The following CAMKMT variants were observed in gnomAD, a reference collection of about 807,000 sequenced individuals.
The protein encoded by CAMKMT is calmodulin-lysine N-methyltransferase, also known as CaM KMT.
In CAMKMT, 53 loss-of-function variants were observed where a neutral mutation model predicts 48.0. The ratio of observed to expected loss-of-function variants is 1.10; its 90% confidence interval spans 0.89 to 1.39. The LOEUF (loss-of-function observed/expected upper bound fraction) is 1.39. Ranked by LOEUF, CAMKMT falls within the 40% of genes most tolerant of loss-of-function variation. The probability of loss-of-function intolerance (pLI) is 0.00; values close to 1 mark genes in which losing one functional copy is unlikely to be tolerated. For synonymous variants in CAMKMT, 165 were observed against 152.3 expected (o/e 1.08, Z -0.61); for missense variants, 428 against 402.7 (o/e 1.06, Z -0.54).
intron 3 of CAMKMT, among the ~76,000 whole-genome samples, chr2:44,498,307 C>A (rs1319097357): frequency 6.6e-6 from 1 of 152,014 alleles, no homozygotes; most frequent in African/African-American, 2.4e-5. Flanking sequence ...TTGGTGATGA[C>A]CCATGTCAAA....
At chr2:44,584,812 T>G (rs566044192) in intron 3 of CAMKMT, among the ~76,000 whole-genome samples, 1 of 152,164 alleles carries the variant, frequency 6.6e-6, no homozygotes, top group East Asian at 1.9e-4. Flanking sequence ...CCCAGCACTT[T>G]GGGAGGCTGA....
At chr2:44,601,861 AATC>A (rs1291309696) in intron 3 of CAMKMT, among the ~76,000 whole-genome samples, 3 of 152,128 alleles carry the variant, frequency 2.0e-5, no homozygotes, top group Non-Finnish European at 4.4e-5. Flanking sequence ...AAGGAAAAGT[AATC>A]ATGATTCCAT....
At position 44,467,941 on chromosome 2, in the gene CAMKMT, C is replaced by G. The variant is rs952414875; in HGVS notation, c.376+77636C>G. The stretch of plus-strand genomic sequence containing the variant: ...GGGAGAAATGCTTCAGGGCATTGGT[C>G]TGGGCAAAGATTTTATGGCTAAGAC... On this transcript the variant is annotated intron_variant, in intron 3 of 10. Transcript: ENST00000378494. 2.0e-5 allele frequency among the ~76,000 whole-genome samples: 3 copies of G among 152,078 alleles called. No individual in the cohort carries two copies. In the East Asian group the frequency reaches 5.8e-4, roughly 29 times the overall value.
chr2:44,695,733 G>A (rs1676906566), intron 3 of CAMKMT, among the ~76,000 whole-genome samples: 1 of 152,086 alleles, frequency 6.6e-6, no homozygotes, highest in South Asian at 2.1e-4. Context: ...GAAGGCAAAT[G>A]CATTGACTTA....
chr2:44,432,831 A>G (rs1684730410), intron 3 of CAMKMT, among the ~76,000 whole-genome samples: 1 of 152,154 alleles, frequency 6.6e-6, no homozygotes, highest in African/African-American at 2.4e-5. Flanking sequence ...TAAATTAAAA[A>G]AAAAAAAAAC....
intron 3 of CAMKMT, among the ~76,000 whole-genome samples, chr2:44,698,060 A>C (rs343983): frequency 0.89 from 136,030 of 152,220 alleles, 61,044 homozygotes; most frequent in African/African-American, 0.97. Context: ...TTTGAAAGGC[A>C]ATTTTATTCC....
intron 3 of CAMKMT, among the ~76,000 whole-genome samples, chr2:44,445,610 G>C (rs1267307532): frequency 6.8e-6 from 1 of 146,956 alleles, no homozygotes; most frequent in African/African-American, 2.5e-5. Context: ...TTAGGACTGG[G>C]CTCAGGGGAA....
intron 3 of CAMKMT, among the ~76,000 whole-genome samples, chr2:44,557,266 G>A (rs140838839): frequency 1.3e-4 from 20 of 150,534 alleles, no homozygotes; most frequent in African/African-American, 4.9e-4. Context: ...TAAACCTTTG[G>A]TACATTTTCT....
At chr2:44,622,216 A>G (rs1449338383) in intron 3 of CAMKMT, among the ~76,000 whole-genome samples, 2 of 152,176 alleles carry the variant, frequency 1.3e-5, no homozygotes, top group African/African-American at 4.8e-5. Flanking sequence ...TAAATTGGTA[A>G]ATCTTGAGGA....
intron 3 of CAMKMT, chr2:44,456,724 T>C (rs1572913691): frequency 1.1e-6 from 1 of 924,162 alleles, no homozygotes; most frequent in South Asian, 2.1e-5. Context: ...TTCATTACAA[T>C]CATAGCAGAA....
At chr2:44,480,821 C>G (rs961164621) in intron 3 of CAMKMT, among the ~76,000 whole-genome samples, 19 of 151,882 alleles carry the variant, frequency 1.3e-4, no homozygotes, top group Non-Finnish European at 1.8e-4. Flanking sequence ...TAATCTAAAG[C>G]TGTGAAATGA....
chr2:44,631,984 C>T (rs1255034259), intron 3 of CAMKMT, among the ~76,000 whole-genome samples: 1 of 152,016 alleles, frequency 6.6e-6, no homozygotes, highest in Non-Finnish European at 1.5e-5. Flanking sequence ...TCCACTTCCC[C>T]ACCCTCTCCT....
chr2:44,661,396 A>G (rs1674672761), intron 3 of CAMKMT, among the ~76,000 whole-genome samples: 1 of 133,148 alleles, frequency 7.5e-6, no homozygotes, highest in African/African-American at 3.0e-5. Flanking sequence ...GCTCAGTGCT[A>G]CCACTGTTTC....
At chr2:44,493,815 C>A (rs1669629566) in intron 3 of CAMKMT, among the ~76,000 whole-genome samples, 1 of 152,068 alleles carries the variant, frequency 6.6e-6, no homozygotes, top group Non-Finnish European at 1.5e-5. Context: ...TGACTAAGTG[C>A]ATATTTTTGA....
chr2:44,408,508 CTATT>C (rs141052239), intron 3 of CAMKMT, among the ~76,000 whole-genome samples: 8,251 of 152,006 alleles, frequency 0.054, 676 homozygotes, highest in African/African-American at 0.18. Context: ...TTATTATTTC[CTATT>C]TATTTCTTTA....
chr2:44,524,771 A>G (rs528666332), intron 3 of CAMKMT, among the ~76,000 whole-genome samples: 1 of 152,336 alleles, frequency 6.6e-6, no homozygotes, highest in African/African-American at 2.4e-5. Context: ...CTGATGGGCA[A>G]AGGCCATGTC....
intron 3 of CAMKMT, among the ~76,000 whole-genome samples, chr2:44,673,428 A>T (rs1251562110): frequency 5.9e-5 from 6 of 102,090 alleles, no homozygotes; most frequent in Non-Finnish European, 1.3e-4. Flanking sequence ...GACCCTGTTT[A>T]AAAAAAAAAA....
intron 3 of CAMKMT, among the ~76,000 whole-genome samples, chr2:44,648,907 T>C (rs1004636218): frequency 9.2e-5 from 14 of 152,176 alleles, no homozygotes; most frequent in African/African-American, 2.9e-4. Flanking sequence ...AGTACTATAG[T>C]CATCCACTTC....
chr2:44,712,171 A>G (rs1297413073), intron 6 of CAMKMT, among the ~76,000 whole-genome samples: 1 of 152,144 alleles, frequency 6.6e-6, no homozygotes, highest in African/African-American at 2.4e-5. Flanking sequence ...AGCATTAAAA[A>G]AAAAACTTGA....
Sources: allele counts gnomAD v4.1 joint callset (sites outside exome capture counted in the v4.1 genomes callset), GRCh38; gene constraint gnomAD v4.1.1; transcripts MANE v1.5; gene names NCBI Gene and HGNC (gene_info 2026-07-23, HGNC 2026-07-21).